Variants in RNF115 observed in about 807,000 individuals in gnomAD.
RNF115 encodes ring finger protein 115.
In RNF115, 31 loss-of-function variants were observed where a neutral mutation model predicts 39.2. The observed-to-expected ratio is 0.79, with a 90% CI of 0.59 to 1.07. The LOEUF is 1.07. Ranked by LOEUF, RNF115 falls within the 50% of genes least tolerant of loss-of-function variation. RNF115 has a pLI of 0.00. For missense variants in RNF115, 384 were observed against 381.7 expected (o/e 1.01, Z -0.05); for synonymous variants, 124 against 131.0 (o/e 0.95, Z 0.37).
At position 145,741,206 on chromosome 1, in the gene RNF115, T is replaced by G. The variant is rs587716557; in HGVS notation, c.*5660A>C. 6.6e-6 allele frequency: 1 copy of G among 152,294 alleles called. No individual in the cohort carries two copies. Among genetic ancestry groups the G allele is most frequent in the African/African-American group, 2.4e-5 (1 of 41,554 alleles). The allele number at this position is 152,294 out of a possible 1,614,324, so 9.4% of individuals were successfully genotyped here. ...TAGAAAAAGTAAAGAATCACAGGCT[T>G]ACATCCTATGATCACAGATCTAAGT... On this transcript the variant is annotated 3_prime_UTR_variant, in exon 9 of 9. Coordinates refer to ENST00000582693, the MANE Select transcript of RNF115 (RefSeq NM_014455.4).
chr1:145,759,429 T>C (rs1188436717), intron 4 of RNF115, among the ~76,000 whole-genome samples: 1 of 152,150 alleles, frequency 6.6e-6, no homozygotes, highest in Non-Finnish European at 1.5e-5. Flanking sequence ...GGTGGCTCCA[T>C]TCTTCTTGTT....
intron 2 of RNF115, chr1:145,787,183 A>G: frequency 2.2e-6 from 1 of 446,516 alleles, no homozygotes; most frequent in South Asian, 1.7e-5. Context: ...TTCAATTTTC[A>G]GACGAATGTT....
chr1:145,782,164 C>G (rs1416716001), intron 3 of RNF115, among the ~76,000 whole-genome samples: 2 of 152,124 alleles, frequency 1.3e-5, no homozygotes, highest in African/African-American at 4.8e-5. Context: ...CTCGGCCTCC[C>G]AAAGTGCTGG....
chr1:145,741,558 T>C lies in RNF115; in HGVS notation c.*5308A>G, dbSNP rs1170800438. The C allele has an allele frequency of 2.0e-5, 3 of 152,258 alleles. No individual in the cohort carries two copies. The highest frequency in any genetic ancestry group is 4.4e-5 in the Non-Finnish European group (3 of 68,056). The allele number at this position is 152,258 out of a possible 1,614,324, so 9.4% of individuals were successfully genotyped here. On this transcript the variant is annotated 3_prime_UTR_variant, in exon 9 of 9. Coordinates refer to ENST00000582693, the MANE Select transcript of RNF115 (RefSeq NM_014455.4). The stretch of plus-strand genomic sequence containing the variant: ...TACTGCAGGCTAGGATTTCCCCCTA[T>C]AGGACAGCCACTTGTGATACTTACC...
intron 4 of RNF115, among the ~76,000 whole-genome samples, chr1:145,766,534 C>A (rs1647281715): frequency 6.6e-6 from 1 of 151,576 alleles, no homozygotes; most frequent in Non-Finnish European, 1.5e-5. Context: ...GGGGTGGTGG[C>A]CGGGCAGAGG....
rs1277186788 is a variant in RNF115, at chr1:145,822,297, T to C, written c.102+1475A>G. Among the ~76,000 whole-genome samples, 5 of 142,276 alleles carry C rather than the reference T, an allele frequency of 3.5e-5. No homozygotes were observed. In the Admixed American group the frequency reaches 3.7e-4, roughly 10 times the overall value. The allele number at this position is 142,276 out of a possible 152,430, so 93.3% of individuals were successfully genotyped here. A position where few individuals can be genotyped will look rare whatever the true frequency, so the allele number is the denominator to read the frequency against. On this transcript the variant is annotated intron_variant, in intron 1 of 8. Transcript: ENST00000582693. Reference sequence around the variant, plus strand: ...CAGCCGAAATCATGCTCCTGGGTGATAGACAGAGGCTGTCTCAAAAAAAAA... The same window carrying C: ...CAGCCGAAATCATGCTCCTGGGTGACAGACAGAGGCTGTCTCAAAAAAAAA...
At chr1:145,789,015 C>T (rs1553718556) in intron 1 of RNF115, 49 bp from the exon 2 acceptor site, 9 of 1,176,222 alleles carry the variant, frequency 7.7e-6, no homozygotes, top group East Asian at 7.0e-5. Flanking sequence ...TAGAAAGCTA[C>T]GTGGTATCTG....
intron 2 of RNF115, 149 bp downstream of exon 2, chr1:145,788,759 T>G (rs1553718490): frequency 2.8e-6 from 2 of 724,008 alleles, no homozygotes; most frequent in African/African-American, 3.5e-5. Context: ...CCCTCTCTTG[T>G]GCAAGCTCAT....
chr1:145,759,900 A>G (rs1399201044), intron 4 of RNF115, among the ~76,000 whole-genome samples: 1 of 152,070 alleles, frequency 6.6e-6, no homozygotes, highest in Non-Finnish European at 1.5e-5. Context: ...TACTTTCTCA[A>G]TAAGACATTT....
chr1:145,809,183 A>ATT (rs71077279), intron 1 of RNF115, among the ~76,000 whole-genome samples: 2 of 134,036 alleles, frequency 1.5e-5, no homozygotes, highest in Non-Finnish European at 3.2e-5. Context: ...GTTTTCAAGG[A>ATT]TTTTTTTTTT....
chr1:145,764,510 G>A (rs1374699914), intron 4 of RNF115, among the ~76,000 whole-genome samples: 1 of 150,816 alleles, frequency 6.6e-6, no homozygotes, highest in African/African-American at 2.4e-5. Context: ...GAGGTGAGGA[G>A]CCCCTCCGCC....
In RNF115 at chr1:145,740,881, G is replaced by A. The variant is rs1368495686; in HGVS notation, c.*5985C>T. The A allele has an allele frequency of 2.0e-5, 3 of 152,108 alleles. No homozygotes were observed. The East Asian group carries it at 5.8e-4, about 29-fold the overall frequency. The allele number at this position is 152,108 out of a possible 1,614,324, so 9.4% of individuals were successfully genotyped here. On this transcript the variant is annotated 3_prime_UTR_variant, in exon 9 of 9. Transcript: ENST00000582693. ...TTTTGAGACAGGGTCTCTCTCTGTT[G>A]CCCTGGAGTGCAGTGGCACAATCTT...
Position 145,746,942 on chromosome 1 carries a change from T to C in RNF115, c.839A>G (p.Gln280Arg). Reference sequence around the variant, plus strand: ...TGCAGAGGCCTCAGTGCTCTGGCTTTGCCGAGTAGAGTCCTCACCATTTAA... The same window carrying C: ...TGCAGAGGCCTCAGTGCTCTGGCTTCGCCGAGTAGAGTCCTCACCATTTAA... ...KSLNGEDSTR[Q>R]SQSTEASASN... Residue 280 changes from glutamine to arginine, a missense_variant, in exon 9 of 9, where the codon CAA (glutamine) becomes CGA (arginine). Coordinates refer to ENST00000582693, the MANE Select transcript of RNF115 (RefSeq NM_014455.4). 6.2e-7 allele frequency: 1 copy of C among 1,614,110 alleles called. No individual in the cohort carries two copies. Among genetic ancestry groups the C allele is most frequent in the Non-Finnish European group, 8.5e-7 (1 of 1,179,960 alleles).
intron 1 of RNF115, 32 bp downstream of exon 1, chr1:145,823,740 G>C: frequency 6.8e-7 from 1 of 1,461,576 alleles, no homozygotes; most frequent in Non-Finnish European, 9.3e-7. Flanking sequence ...AATCTATGAG[G>C]TTCCCAAGTA....
intron 2 of RNF115, chr1:145,787,024 A>C: frequency 7.9e-7 from 1 of 1,267,902 alleles, no homozygotes. Flanking sequence ...TAAAATGTGT[A>C]GTTTTTCCTG....
intron 1 of RNF115, among the ~76,000 whole-genome samples, chr1:145,799,537 T>A (rs1355166549): frequency 6.6e-6 from 1 of 150,926 alleles, no homozygotes; most frequent in Non-Finnish European, 1.5e-5. Flanking sequence ...ATGTTCCTGA[T>A]GTTAGGGGGA....
At chr1:145,795,016 C>CA (rs782249648) in intron 1 of RNF115, among the ~76,000 whole-genome samples, 2,986 of 78,112 alleles carry the variant, frequency 0.038, 93 homozygotes, top group Middle Eastern at 0.051. Flanking sequence ...GACTCCATTT[C>CA]AAAAAAAAAA....
At chr1:145,791,784 G>A (rs1399533748) in intron 1 of RNF115, among the ~76,000 whole-genome samples, 1 of 151,990 alleles carries the variant, frequency 6.6e-6, no homozygotes, top group Non-Finnish European at 1.5e-5. Context: ...TTTAGAGACT[G>A]CCTTATAATA....
chr1:145,763,886 CT>C (rs1658633120), intron 4 of RNF115, among the ~76,000 whole-genome samples: 1 of 124,604 alleles, frequency 8.0e-6, no homozygotes, highest in African/African-American at 2.9e-5. Context: ...TTATTTGGCC[CT>C]CCCCCTCCCC....
Sources: allele counts gnomAD v4.1 joint callset (sites outside exome capture counted in the v4.1 genomes callset), GRCh38; gene constraint gnomAD v4.1.1; transcripts MANE v1.5; gene names NCBI Gene and HGNC (gene_info 2026-07-23, HGNC 2026-07-21).